The following NXPH2 variants were observed in gnomAD, a reference collection of about 807,000 sequenced individuals.
The protein encoded by NXPH2 is neurexophilin-2.
In NXPH2, 5 loss-of-function variants were observed where a neutral mutation model predicts 19.8. That is an observed-to-expected ratio of 0.25 (90% CI 0.13 to 0.53). NXPH2 has a LOEUF of 0.53. Ranked by LOEUF, NXPH2 falls within the 20% of genes least tolerant of loss-of-function variation. NXPH2 has a pLI of 0.96. For missense variants in NXPH2, 289 were observed against 322.8 expected, an observed-to-expected ratio of 0.90 and a Z score of 0.80; for synonymous variants, 154 against 127.4, an observed-to-expected ratio of 1.21 and a Z score of -1.41.
intron 1 of NXPH2, among the ~76,000 whole-genome samples, chr2:138,682,880 C>T (rs553161555): frequency 1.2e-4 from 19 of 152,294 alleles, no homozygotes; most frequent in Middle Eastern, 3.4e-3. Context: ...CATGCATGCA[C>T]GCATGCCTAC....
intron 1 of NXPH2, among the ~76,000 whole-genome samples, chr2:138,708,218 CA>C (rs1487185170): frequency 2.0e-5 from 3 of 152,186 alleles, no homozygotes; most frequent in Admixed American, 2.0e-4. Flanking sequence ...ACAACAATAA[CA>C]ACAAGACAGC....
rs1436377864 is a variant in NXPH2 at position 138,669,961 on chromosome 2, A to G, written c.*961T>C. Among the ~76,000 whole-genome samples, 1 of 152,196 alleles carries G rather than the reference A, an allele frequency of 6.6e-6. No individual in the cohort carries two copies. The highest frequency in any genetic ancestry group is 1.9e-4 in the East Asian group (1 of 5,200). On this transcript the variant is annotated 3_prime_UTR_variant, in exon 2 of 2. Coordinates refer to ENST00000272641, the MANE Select transcript of NXPH2 (RefSeq NM_007226.3). The stretch of plus-strand genomic sequence containing the variant: ...AACTTAATCTGGGAGGCTAGAAATA[A>G]TGAATCCATAATCCTGAAATTTCCT...
intron 1 of NXPH2, among the ~76,000 whole-genome samples, chr2:138,731,047 T>C (rs1681440448): frequency 6.6e-6 from 1 of 152,174 alleles, no homozygotes; most frequent in South Asian, 2.1e-4. Flanking sequence ...CCCCTTTCAT[T>C]GTCTTACAGG....
At chr2:138,689,354 G>T (rs77580391) in intron 1 of NXPH2, among the ~76,000 whole-genome samples, 6,695 of 152,284 alleles carry the variant, frequency 0.044, 197 homozygotes, top group South Asian at 0.1. Flanking sequence ...GGTTGGGTTT[G>T]GTGGAGGGGC....
chr2:138,767,739 A>G (rs1682114223), intron 1 of NXPH2, among the ~76,000 whole-genome samples: 1 of 152,118 alleles, frequency 6.6e-6, no homozygotes, highest in Non-Finnish European at 1.5e-5. Flanking sequence ...TTTTCATTTG[A>G]GCATGGAAAT....
At chr2:138,681,597 C>T (rs1369193901) in intron 1 of NXPH2, among the ~76,000 whole-genome samples, 2 of 152,130 alleles carry the variant, frequency 1.3e-5, no homozygotes, top group Non-Finnish European at 2.9e-5. Flanking sequence ...TTTTGACTTT[C>T]CAGGACTAAG....
chr2:138,780,337 C>T lies in NXPH2; in HGVS notation c.-96G>A. ...GGCAGGACTGAGGACGCCAGGGACA[C>T]AGCGCGGCGCTTCCCTCCCGGAATC... On this transcript the variant is annotated 5_prime_UTR_variant, in exon 1 of 2. In the 5' UTR this introduces an upstream ATG that the reference lacks. Coordinates refer to ENST00000272641, the MANE Select transcript of NXPH2 (RefSeq NM_007226.3). 1.1e-6 allele frequency: 1 copy of T among 942,326 alleles called. No individual in the cohort carries two copies. The allele number at this position is 942,326 out of a possible 1,614,324, so 58.4% of individuals were successfully genotyped here.
chr2:138,744,707 C>G (rs1448472633), intron 1 of NXPH2, among the ~76,000 whole-genome samples: 1 of 152,188 alleles, frequency 6.6e-6, no homozygotes, highest in Non-Finnish European at 1.5e-5. Context: ...CAGTCACTCT[C>G]TCTCGGGCAC....
At chr2:138,770,808 A>G (rs1438679550) in intron 1 of NXPH2, among the ~76,000 whole-genome samples, 3 of 152,118 alleles carry the variant, frequency 2.0e-5, no homozygotes, top group Non-Finnish European at 4.4e-5. Context: ...TATAAAATTT[A>G]AAGGCTGTAA....
chr2:138,736,464 C>T (rs888431639), intron 1 of NXPH2, among the ~76,000 whole-genome samples: 1 of 152,210 alleles, frequency 6.6e-6, no homozygotes, highest in Admixed American at 6.5e-5. Flanking sequence ...GCCACAGCTG[C>T]AGCAGTTAGA....
intron 1 of NXPH2, among the ~76,000 whole-genome samples, chr2:138,733,860 T>C (rs78363823): frequency 6.6e-6 from 1 of 152,072 alleles, no homozygotes; most frequent in Non-Finnish European, 1.5e-5. Context: ...AAGTCAGGGA[T>C]AGTGGAAAGA....
chr2:138,691,974 A>G (rs72860167), intron 1 of NXPH2, among the ~76,000 whole-genome samples: 6,260 of 152,326 alleles, frequency 0.041, 193 homozygotes, highest in Non-Finnish European at 0.06. Context: ...TTTATGGTTA[A>G]TAACATAACC....
intron 1 of NXPH2, among the ~76,000 whole-genome samples, chr2:138,689,974 T>C (rs1680723928): frequency 6.6e-6 from 1 of 152,184 alleles, no homozygotes. Context: ...AGGGAGGAAG[T>C]GGTCAGAAAG....
intron 1 of NXPH2, among the ~76,000 whole-genome samples, chr2:138,755,685 C>T (rs1681896204): frequency 6.6e-6 from 1 of 152,150 alleles, no homozygotes; most frequent in East Asian, 1.9e-4. Flanking sequence ...AATTTTAGAG[C>T]CAGTTTGCAA....
chr2:138,756,276 A>G (rs1444783577), intron 1 of NXPH2, among the ~76,000 whole-genome samples: 3 of 152,206 alleles, frequency 2.0e-5, no homozygotes, highest in Non-Finnish European at 2.9e-5. Flanking sequence ...TATAATGCCA[A>G]TCTTTCACTG....
At chr2:138,750,317 C>T (rs1681809916) in intron 1 of NXPH2, among the ~76,000 whole-genome samples, 1 of 152,056 alleles carries the variant, frequency 6.6e-6, no homozygotes, top group African/African-American at 2.4e-5. Context: ...AGTAAGTAAC[C>T]TGGAATATAT....
At chr2:138,675,215 G>T (rs1007147418) in intron 1 of NXPH2, among the ~76,000 whole-genome samples, 11 of 152,062 alleles carry the variant, frequency 7.2e-5, no homozygotes, top group African/African-American at 2.2e-4. Flanking sequence ...TTTATCAGCA[G>T]CAATATGCCC....
chr2:138,713,174 C>T (rs1255919195), intron 1 of NXPH2, among the ~76,000 whole-genome samples: 2 of 152,178 alleles, frequency 1.3e-5, no homozygotes, highest in South Asian at 2.1e-4. Flanking sequence ...TCCCCACTGC[C>T]GATGGTTCTT....
intron 1 of NXPH2, among the ~76,000 whole-genome samples, chr2:138,689,464 C>T (rs1428272624): frequency 2.6e-5 from 4 of 152,088 alleles, no homozygotes; most frequent in Non-Finnish European, 4.4e-5. Context: ...TGTCCTCCAG[C>T]GTACACGGGA....
Sources: gnomAD v4.1 joint callset for allele counts (sites outside exome capture counted in the v4.1 genomes callset) on GRCh38, gnomAD v4.1.1 for gene constraint, MANE v1.5 for transcripts, NCBI Gene and HGNC (gene_info 2026-07-23, HGNC 2026-07-21) for gene names.